Variants in PIGN observed in about 807,000 individuals in gnomAD.
The protein encoded by PIGN is GPI ethanolamine phosphate transferase 1.
A neutral mutation model predicts 125.4 loss-of-function variants in PIGN; 117 were observed. That is an observed-to-expected ratio of 0.93 (90% CI 0.80 to 1.09). PIGN has a LOEUF of 1.09. PIGN is among the 50% of genes least tolerant of loss of function. The pLI, the probability that PIGN is intolerant of heterozygous loss-of-function variation, is 0.00. For missense variants in PIGN, 1,075 were observed against 1,094.9 expected, an observed-to-expected ratio of 0.98 and a Z score of 0.26; for synonymous variants, 392 against 377.8, an observed-to-expected ratio of 1.04 and a Z score of -0.44.
intron 1 of PIGN, among the ~76,000 whole-genome samples, chr18:62,167,397 C>T (rs1232319262): frequency 6.5e-5 from 9 of 139,468 alleles, no homozygotes; most frequent in African/African-American, 2.3e-4. Context: ...TTTGGGAGGC[C>T]GAGGTGGGTG....
At chr18:62,090,815 A>G (rs1486120652) in intron 23 of PIGN, among the ~76,000 whole-genome samples, 3 of 152,186 alleles carry the variant, frequency 2.0e-5, no homozygotes, top group Non-Finnish European at 4.4e-5. Flanking sequence ...ATAGAAATAT[A>G]TAAAAGCCAT....
rs1568181645 is a variant in PIGN, at chr18:62,106,888, A to C, written c.1675-7T>G. On this transcript the variant is annotated splice_region_variant and splice_polypyrimidine_tract_variant and intron_variant, in intron 18 of 30. Transcript: ENST00000640252. Reference sequence around the variant, plus strand: ...GGTAGAAAAAACTGAGAACCTAGTAATGCATTCCAAAGAAGGAATGAAAAA... The same window carrying C: ...GGTAGAAAAAACTGAGAACCTAGTACTGCATTCCAAAGAAGGAATGAAAAA... 1 of 1,598,660 alleles carries C rather than the reference A, an allele frequency of 6.3e-7. No homozygotes were observed. The highest frequency in any genetic ancestry group is 1.1e-5 in the South Asian group (1 of 88,802).
In PIGN at chr18:62,085,270, G is replaced by T; in HGVS notation, c.2371-6C>A. 2.6e-6 allele frequency: 4 copies of T among 1,538,004 alleles called. No homozygotes were observed. The highest frequency in any genetic ancestry group is 3.5e-6 in the Non-Finnish European group (4 of 1,135,896). On this transcript the variant is annotated splice_polypyrimidine_tract_variant and splice_region_variant and intron_variant, in intron 25 of 30. Coordinates refer to ENST00000640252, the MANE Select transcript of PIGN (RefSeq NM_176787.5). ...GCTGTCACTAAGAAGAAAACCTAAA[G>T]GGAGTCAAGGAAATGGCAAAACAAC...
At chr18:62,064,696 C>T (rs1403303356) in intron 30 of PIGN, among the ~76,000 whole-genome samples, 2 of 152,118 alleles carry the variant, frequency 1.3e-5, no homozygotes, top group Admixed American at 6.5e-5. Flanking sequence ...AAATGATATT[C>T]TACTCTAGTA....
At chr18:62,127,604 T>A (rs912503313) in intron 14 of PIGN, among the ~76,000 whole-genome samples, 1 of 152,174 alleles carries the variant, frequency 6.6e-6, no homozygotes, top group African/African-American at 2.4e-5. Flanking sequence ...ATAATAACTG[T>A]GAGCGGGTAG....
intron 14 of PIGN, among the ~76,000 whole-genome samples, chr18:62,125,056 A>G (rs1201172701): frequency 6.6e-6 from 1 of 151,946 alleles, no homozygotes; most frequent in African/African-American, 2.4e-5. Flanking sequence ...CAATTTGTAC[A>G]TACATGTATA....
In PIGN at chr18:62,107,059, A is replaced by G. The variant is rs2034674188; in HGVS notation, c.1601T>C (p.Val534Ala). The change falls in exon 18 of 31, where the codon GTA becomes GCA. Residue 534 changes from valine (V) to alanine (A), a missense_variant. By Grantham distance (64) the Val-to-Ala change is moderately conservative (BLOSUM62 0). Transcript: ENST00000640252. Reference protein sequence around the residue: ...REFQVIQDLVVSVLTYPLSHF... With the variant: ...REFQVIQDLVASVLTYPLSHF... ...GCTCAGAGGATAGGTCAACACTGAT[A>G]CAACAAGGTCCTGAATAACTTGAAA... The G allele has an allele frequency of 3.2e-6, 5 of 1,586,352 alleles. No homozygotes were observed. Among genetic ancestry groups the G allele is most frequent in the Non-Finnish European group, 4.3e-6 (5 of 1,165,492 alleles).
intron 7 of PIGN, 45 bp downstream of exon 7, chr18:62,154,500 G>T: frequency 1.1e-6 from 1 of 901,828 alleles, no homozygotes; most frequent in Admixed American, 1.9e-5. Flanking sequence ...CAATACTTCA[G>T]GTAAAAATAT....
chr18:62,116,863 A>G (rs1294520223), intron 14 of PIGN, among the ~76,000 whole-genome samples: 3 of 152,118 alleles, frequency 2.0e-5, no homozygotes, highest in African/African-American at 4.8e-5. Context: ...AAAAGAAAGG[A>G]AAAAAAGCTT....
At chr18:62,046,050 T>C (rs1289016608) in intron 30 of PIGN, 71 bp from the exon 31 acceptor site, 17 of 1,465,570 alleles carry the variant, frequency 1.2e-5, no homozygotes, top group Middle Eastern at 3.5e-4. Flanking sequence ...TTCCTCTGAA[T>C]GGTTTTAAAT....
intron 30 of PIGN, among the ~76,000 whole-genome samples, chr18:62,056,060 A>AAG (rs1047014867): frequency 4.1e-5 from 6 of 145,616 alleles, no homozygotes; most frequent in African/African-American, 1.5e-4. Flanking sequence ...CCACTAAAAA[A>AAG]AAAAAAAAAG....
chr18:62,145,936 G>A lies in PIGN; in HGVS notation c.895C>T (p.Gln299Ter), dbSNP rs1476863555. The A allele has an allele frequency of 1.9e-6, 3 of 1,598,422 alleles. No individual in the cohort carries two copies. Among genetic ancestry groups the A allele is most frequent in the Non-Finnish European group, 2.6e-6 (3 of 1,166,460 alleles). The change falls in exon 10 of 31, where the codon CAG (glutamine) becomes TAG (stop). Residue 299 changes from glutamine to a stop codon, truncating the protein, a stop_gained. Transcript: ENST00000640252. LOFTEE classifies it high-confidence loss of function. ...GIKYPQRVSA[Q>*]QFDDAFLKEW... Reference sequence around the variant, plus strand: ...TTCAAAAATGCATCATCAAATTGCTGAGCTGATACTCTTTGGGGATACTTG... The same window carrying A: ...TTCAAAAATGCATCATCAAATTGCTAAGCTGATACTCTTTGGGGATACTTG...
At chr18:62,128,590 C>A (rs2035619925) in intron 14 of PIGN, among the ~76,000 whole-genome samples, 1 of 151,196 alleles carries the variant, frequency 6.6e-6, no homozygotes, top group African/African-American at 2.4e-5. Flanking sequence ...CATGCAGCCA[C>A]AGAGATCAAG....
intron 1 of PIGN, among the ~76,000 whole-genome samples, chr18:62,177,077 G>A (rs574380681): frequency 6.6e-6 from 1 of 152,094 alleles, no homozygotes; most frequent in Admixed American, 6.5e-5. Flanking sequence ...CTTTGTTCTT[G>A]TCAAACATGA....
intron 23 of PIGN, among the ~76,000 whole-genome samples, chr18:62,092,992 A>G (rs2034031196): frequency 1.3e-5 from 2 of 152,040 alleles, no homozygotes; most frequent in African/African-American, 4.8e-5. Context: ...TGTAAAATAT[A>G]GTTCTTATTT....
chr18:62,026,415 C>G (rs1185136303), intron 23 of PIGN, among the ~76,000 whole-genome samples: 1 of 152,144 alleles, frequency 6.6e-6, no homozygotes, highest in Non-Finnish European at 1.5e-5. Flanking sequence ...TCTTAGCCCA[C>G]CTTGAATTTC....
At chr18:62,063,221 G>GTTTTATAGATTTTATCCAAAATCTATGA (rs2032291504) in intron 30 of PIGN, among the ~76,000 whole-genome samples, 1 of 147,442 alleles carries the variant, frequency 6.8e-6, no homozygotes, top group Non-Finnish European at 1.5e-5. Context: ...AAAATCTATG[G>GTTTTATAGATTTTATCCAAAATCTATGA]TTTTATAGAT....
At chr18:62,176,427 C>T (rs1555700931) in intron 1 of PIGN, among the ~76,000 whole-genome samples, 1 of 151,912 alleles carries the variant, frequency 6.6e-6, no homozygotes, top group Non-Finnish European at 1.5e-5. Flanking sequence ...CTTAAAGAAA[C>T]GTCTCCAAAT....
chr18:62,106,471 C>G (rs1463900243), intron 19 of PIGN, among the ~76,000 whole-genome samples: 1 of 151,904 alleles, frequency 6.6e-6, no homozygotes, highest in African/African-American at 2.4e-5. Flanking sequence ...GGCTGTGCTG[C>G]TCTGGACGAC....
Sources: gnomAD v4.1 joint callset for allele counts (sites outside exome capture counted in the v4.1 genomes callset) on GRCh38, gnomAD v4.1.1 for gene constraint, MANE v1.5 for transcripts, NCBI Gene and HGNC (gene_info 2026-07-23, HGNC 2026-07-21) for gene names.